ULK4: variants seen among roughly 807,000 people sequenced by gnomAD.
ULK4 encodes unc-51 like kinase 4.
Under a neutral mutation model 160.6 loss-of-function variants are expected in ULK4, and 133 were observed. The observed-to-expected ratio is 0.83, with a 90% confidence interval of 0.72 to 0.96. ULK4 has a LOEUF of 0.96. Ranked by LOEUF, ULK4 falls within the 40% of genes least tolerant of loss-of-function variation. ULK4 has a pLI of 0.00. For synonymous variants in ULK4, 534 were observed against 539.8 expected (o/e 0.99, Z 0.15); for missense variants, 1,580 against 1,499.5 (o/e 1.05, Z -0.89).
chr3:41,743,855 G>C (rs1047646352), intron 22 of ULK4, among the ~76,000 whole-genome samples: 1 of 151,672 alleles, frequency 6.6e-6, no homozygotes, highest in Admixed American at 6.6e-5. Context: ...TAGTAGAGAA[G>C]GGGTTTCATC....
intron 17 of ULK4, among the ~76,000 whole-genome samples, chr3:41,875,165 C>G (rs755971387): frequency 6.6e-6 from 1 of 152,056 alleles, no homozygotes; most frequent in Non-Finnish European, 1.5e-5. Flanking sequence ...GGCAACAGAG[C>G]GAGACCCTGC....
intron 17 of ULK4, among the ~76,000 whole-genome samples, chr3:41,840,836 T>C (rs1048498499): frequency 2.0e-5 from 3 of 150,362 alleles, no homozygotes; most frequent in Admixed American, 6.6e-5. Flanking sequence ...TAGCCACCCA[T>C]TGTCTGGGAT....
intron 35 of ULK4, chr3:41,258,413 T>C (rs1575361647): frequency 6.6e-6 from 1 of 152,162 alleles, no homozygotes; most frequent in South Asian, 2.1e-4. Flanking sequence ...ATCCTGGCTG[T>C]GATTACAGAC....
At chr3:41,856,616 C>CACATATATATATATGTGTATATATATAA (rs2042370155) in intron 17 of ULK4, among the ~76,000 whole-genome samples, 1 of 73,398 alleles carries the variant, frequency 1.4e-5, no homozygotes, top group Admixed American at 1.5e-4. Context: ...TATATATATA[C>CACATATATATATATGTGTATATATATAA]ACATATATAT....
chr3:41,726,175 GC>G (rs2037643674), intron 22 of ULK4, among the ~76,000 whole-genome samples: 2 of 151,974 alleles, frequency 1.3e-5, no homozygotes, highest in African/African-American at 4.8e-5. Flanking sequence ...TTCACTTAAG[GC>G]AAAAAACTAT....
intron 34 of ULK4, among the ~76,000 whole-genome samples, chr3:41,435,884 G>A (rs1457252334): frequency 1.3e-5 from 2 of 152,144 alleles, no homozygotes; most frequent in Admixed American, 1.3e-4. Context: ...GGAGGTGGAG[G>A]TTGGAGTGAG....
At chr3:41,282,128 A>G (rs961905099) in intron 35 of ULK4, among the ~76,000 whole-genome samples, 3 of 152,142 alleles carry the variant, frequency 2.0e-5, no homozygotes, top group Non-Finnish European at 4.4e-5. Flanking sequence ...AGAACTACAA[A>G]CCACTGCTCA....
rs540293076 is a variant in ULK4 at position 41,780,061 on chromosome 3, A to T, written c.2193+9600T>A. 7.3e-5 allele frequency among the ~76,000 whole-genome samples: 11 copies of T among 151,470 alleles called. No individual in the cohort carries two copies. The East Asian group carries it at 1.9e-3, about 27-fold the overall frequency. On this transcript the variant is annotated intron_variant, in intron 21 of 36. Transcript: ENST00000301831. ...ACATCTGCAATTTCCAACACTTTGG[A>T]AACACTTTGGGAGGCTGAGGCAGGT...
chr3:41,674,816 T>C (rs2035654408), intron 29 of ULK4, among the ~76,000 whole-genome samples: 1 of 152,138 alleles, frequency 6.6e-6, no homozygotes, highest in South Asian at 2.1e-4. Context: ...ACAGGTACCT[T>C]AACGCACATG....
At chr3:41,293,544 G>T (rs1051435575) in intron 35 of ULK4, among the ~76,000 whole-genome samples, 2 of 152,172 alleles carry the variant, frequency 1.3e-5, no homozygotes, top group Non-Finnish European at 2.9e-5. Context: ...CATCATAGAG[G>T]AATCTCTGAA....
intron 4 of ULK4, among the ~76,000 whole-genome samples, chr3:41,935,216 T>A (rs76660239): frequency 0.04 from 121 of 3,058 alleles, 2 homozygotes; most frequent in South Asian, 0.11. Context: ...TTTATTTTTT[T>A]TTTTTTTTTT....
chr3:41,594,965 A>G (rs763241281), intron 31 of ULK4, among the ~76,000 whole-genome samples: 7 of 152,150 alleles, frequency 4.6e-5, no homozygotes, highest in Non-Finnish European at 1.0e-4. Context: ...AGGGAGAGAT[A>G]TATGTCACTG....
chr3:41,794,243 C>T (rs2040228193), intron 20 of ULK4, among the ~76,000 whole-genome samples: 2 of 152,208 alleles, frequency 1.3e-5, no homozygotes, highest in Non-Finnish European at 2.9e-5. Flanking sequence ...TCCCTCAGCA[C>T]TAAGCCTTGC....
intron 12 of ULK4, among the ~76,000 whole-genome samples, chr3:41,904,537 T>C (rs1698486061): frequency 6.6e-6 from 1 of 152,242 alleles, no homozygotes; most frequent in Non-Finnish European, 1.5e-5. Context: ...TTATATACTC[T>C]TCTTTATAAC....
chr3:41,479,911 T>C (rs1464495033), intron 32 of ULK4, among the ~76,000 whole-genome samples: 1 of 152,138 alleles, frequency 6.6e-6, no homozygotes, highest in African/African-American at 2.4e-5. Flanking sequence ...TATTTGTATA[T>C]AAAAGTATCA....
intron 25 of ULK4, among the ~76,000 whole-genome samples, chr3:41,708,171 C>CATATATAT (rs1323212903): frequency 3.9e-5 from 5 of 127,578 alleles, no homozygotes; most frequent in African/African-American, 2.2e-4. Flanking sequence ...GAAATAAATA[C>CATATATAT]ATATACATAT....
chr3:41,816,357 T>C (rs1412367471), intron 19 of ULK4, among the ~76,000 whole-genome samples: 2 of 152,240 alleles, frequency 1.3e-5, no homozygotes, highest in East Asian at 3.9e-4. Flanking sequence ...TGAAACATTT[T>C]ATAATAATAG....
chr3:41,385,549 A>G lies in ULK4; in HGVS notation c.3678+12530T>C, dbSNP rs995031050. Among the ~76,000 whole-genome samples the G allele has an allele frequency of 2.0e-5, 3 of 152,212 alleles. No individual in the cohort carries two copies. The South Asian group carries it at 6.2e-4, about 32-fold the overall frequency. On this transcript the variant is annotated intron_variant, in intron 35 of 36. Coordinates refer to ENST00000301831, the MANE Select transcript of ULK4 (RefSeq NM_017886.4). The stretch of plus-strand genomic sequence containing the variant: ...TATGTCTCTAAAATTAAAAAGAAAA[A>G]TCATATCACAACTTGGTATGCACAG...
intron 17 of ULK4, among the ~76,000 whole-genome samples, chr3:41,865,267 T>A (rs1369479187): frequency 9.9e-5 from 9 of 91,160 alleles, no homozygotes; most frequent in Non-Finnish European, 1.8e-4. Flanking sequence ...CAAGACTCTG[T>A]CTTTAAAAAA....
Sources: allele counts gnomAD v4.1 joint callset (sites outside exome capture counted in the v4.1 genomes callset), GRCh38; gene constraint gnomAD v4.1.1; transcripts MANE v1.5; gene names NCBI Gene and HGNC (gene_info 2026-07-23, HGNC 2026-07-21).